Variants in SLC24A2 observed in about 807,000 individuals in gnomAD.
The protein encoded by SLC24A2 is sodium/potassium/calcium exchanger 2.
In SLC24A2, 36 loss-of-function variants were observed where a neutral mutation model predicts 62.0. The observed-to-expected ratio is 0.58, with a 90% CI of 0.44 to 0.77. The LOEUF (loss-of-function observed/expected upper bound fraction) is 0.77. Ranked by LOEUF, SLC24A2 falls within the 30% of genes least tolerant of loss-of-function variation. The probability of loss-of-function intolerance (pLI) is 0.00; values close to 1 mark genes in which losing one functional copy is unlikely to be tolerated. For synonymous variants in SLC24A2, 358 were observed against 294.0 expected, an observed-to-expected ratio of 1.22 and a Z score of -2.23; for missense variants, 846 against 817.9, an observed-to-expected ratio of 1.03 and a Z score of -0.42.
At chr9:20,176,495 T>C in the SLC24A2 span, among the ~76,000 whole-genome samples, 2 of 152,166 alleles carry the variant, frequency 1.3e-5, no homozygotes, top group South Asian at 2.1e-4. Context: ...TTCAGAAATG[T>C]AGTCATTAAA....
intron 2 of SLC24A2, among the ~76,000 whole-genome samples, chr9:19,668,668 G>T (rs1819326532): frequency 6.6e-6 from 1 of 152,100 alleles, no homozygotes. Context: ...GACATTTTCT[G>T]TTTCTGTCAG....
chr9:20,241,553 T>G, the SLC24A2 span, among the ~76,000 whole-genome samples: 3 of 152,142 alleles, frequency 2.0e-5, 1 homozygote, highest in Admixed American at 2.0e-4. Flanking sequence ...CAAGCCTTCA[T>G]CATAGTACCT....
intron 2 of SLC24A2, among the ~76,000 whole-genome samples, chr9:19,729,905 A>C (rs1821285785): frequency 6.6e-6 from 1 of 152,160 alleles, no homozygotes. Flanking sequence ...TACATGTTTG[A>C]GATGATGGAT....
At chr9:19,601,730 A>G (rs1375338856) in intron 4 of SLC24A2, among the ~76,000 whole-genome samples, 1 of 152,114 alleles carries the variant, frequency 6.6e-6, no homozygotes. Flanking sequence ...TTGGAGCCTT[A>G]CAGACCTTGA....
At chr9:19,631,457 C>T (rs945888600) in intron 2 of SLC24A2, among the ~76,000 whole-genome samples, 11 of 152,150 alleles carry the variant, frequency 7.2e-5, no homozygotes, top group Non-Finnish European at 1.3e-4. Context: ...GTGTTAAAGA[C>T]ATCATTTCAC....
At chr9:20,229,401 C>G in the SLC24A2 span, among the ~76,000 whole-genome samples, 1 of 152,156 alleles carries the variant, frequency 6.6e-6, no homozygotes, top group Non-Finnish European at 1.5e-5. Context: ...ATATAAAGAA[C>G]TTACAACAGT....
At chr9:19,736,835 G>C (rs1210958330) in intron 2 of SLC24A2, among the ~76,000 whole-genome samples, 1 of 152,144 alleles carries the variant, frequency 6.6e-6, no homozygotes, top group Non-Finnish European at 1.5e-5. Flanking sequence ...CTGGGTGAAA[G>C]AGTAAGACCC....
upstream of SLC24A2, among the ~76,000 whole-genome samples, chr9:19,790,836 G>A (rs951357306): frequency 1.3e-5 from 2 of 152,116 alleles, no homozygotes; most frequent in Admixed American, 6.5e-5. Context: ...TGGCTACATG[G>A]GGTGCGGAGG....
intron 4 of SLC24A2, among the ~76,000 whole-genome samples, chr9:19,602,006 A>C (rs1836854814): frequency 6.6e-6 from 1 of 152,254 alleles, no homozygotes; most frequent in East Asian, 1.9e-4. Context: ...ATCTTCAAAA[A>C]TCAGAGTGAA....
chr9:19,597,309 T>C, intron 4 of SLC24A2, 30 bp from the exon 5 acceptor site: 1 of 1,400,872 alleles, frequency 7.1e-7, no homozygotes, highest in Non-Finnish European at 1.0e-6. Flanking sequence ...GACACAAAGA[T>C]AAGGAACGAG....
chr9:19,987,365 C>A, the SLC24A2 span, among the ~76,000 whole-genome samples: 4 of 152,136 alleles, frequency 2.6e-5, no homozygotes, highest in African/African-American at 9.7e-5. Flanking sequence ...AACAAGAAGT[C>A]ACTAAATTCC....
chr9:19,620,815 T>G (rs953113729), intron 3 of SLC24A2, among the ~76,000 whole-genome samples: 1 of 152,228 alleles, frequency 6.6e-6, no homozygotes, highest in Non-Finnish European at 1.5e-5. Flanking sequence ...CGTAAAAGTT[T>G]GACAGGTAAA....
the SLC24A2 span, among the ~76,000 whole-genome samples, chr9:20,086,213 T>C: frequency 6.6e-6 from 1 of 152,128 alleles, no homozygotes; most frequent in African/African-American, 2.4e-5. Flanking sequence ...ATTTGGTCCT[T>C]GATATTGCTG....
intron 5 of SLC24A2, among the ~76,000 whole-genome samples, chr9:19,585,981 T>C (rs1159843558): frequency 6.6e-6 from 1 of 152,240 alleles, no homozygotes; most frequent in East Asian, 1.9e-4. Flanking sequence ...CTTTTGTAAT[T>C]GGTCTCCCAG....
At chr9:19,876,218 G>A in the SLC24A2 span, among the ~76,000 whole-genome samples, 1 of 152,126 alleles carries the variant, frequency 6.6e-6, no homozygotes, top group Admixed American at 6.5e-5. Flanking sequence ...GGCCACAAGG[G>A]CATGTTCAAT....
chr9:20,197,799 C>T, the SLC24A2 span, among the ~76,000 whole-genome samples: 1 of 152,014 alleles, frequency 6.6e-6, no homozygotes, highest in Non-Finnish European at 1.5e-5. Flanking sequence ...AAACCAAAAG[C>T]CAGACCATCA....
chr9:19,779,002 A>T (rs1587314882), intron 2 of SLC24A2, among the ~76,000 whole-genome samples: 1 of 152,244 alleles, frequency 6.6e-6, no homozygotes. Flanking sequence ...AATGAATAAT[A>T]TAACTAAAAT....
At chr9:19,707,849 C>T (rs1000108628) in intron 2 of SLC24A2, among the ~76,000 whole-genome samples, 1 of 152,088 alleles carries the variant, frequency 6.6e-6, no homozygotes, top group African/African-American at 2.4e-5. Context: ...TGGCACAAGA[C>T]AGGGATGCCC....
At chr9:20,180,325 GTTA>G in the SLC24A2 span, among the ~76,000 whole-genome samples, 3 of 151,972 alleles carry the variant, frequency 2.0e-5, no homozygotes, top group African/African-American at 7.3e-5. Flanking sequence ...ATAGATATTG[GTTA>G]TTATCTCTTA....
Sources: gnomAD v4.1 joint callset for allele counts (sites outside exome capture counted in the v4.1 genomes callset) on GRCh38, gnomAD v4.1.1 for gene constraint, MANE v1.5 for transcripts, NCBI Gene and HGNC (gene_info 2026-07-23, HGNC 2026-07-21) for gene names.